The following UNC80 variants were observed in gnomAD, a reference collection of about 807,000 sequenced individuals.
The protein encoded by UNC80 is protein unc-80 homolog.
In UNC80, 164 loss-of-function variants were observed where a neutral mutation model predicts 384.6. The observed-to-expected ratio is 0.43, with a 90% confidence interval of 0.38 to 0.49. The LOEUF (loss-of-function observed/expected upper bound fraction) is 0.49. Among genes scored for constraint, UNC80 ranks in the 20% least tolerant of loss-of-function variants. UNC80 has a pLI of 0.00. For missense variants in UNC80, 3,330 were observed against 4,143.0 expected (o/e 0.80, Z 5.39); for synonymous variants, 1,486 against 1,527.8 (o/e 0.97, Z 0.64).
intron 59 of UNC80, 98 bp downstream of exon 59, chr2:209,978,806 A>G: frequency 8.4e-7 from 1 of 1,186,284 alleles, no homozygotes; most frequent in East Asian, 2.9e-5. Flanking sequence ...TCCGCTTCTG[A>G]TCCCCTAGTC....
At chr2:209,953,647 T>C (rs1046807932) in intron 47 of UNC80, among the ~76,000 whole-genome samples, 1 of 151,982 alleles carries the variant, frequency 6.6e-6, no homozygotes, top group Non-Finnish European at 1.5e-5. Context: ...TTTCCAACAT[T>C]TGTTGCTATT....
At chr2:209,974,397 A>C (rs1428796682) in intron 56 of UNC80, among the ~76,000 whole-genome samples, 1 of 152,194 alleles carries the variant, frequency 6.6e-6, no homozygotes, top group Non-Finnish European at 1.5e-5. Context: ...GCCCTACATG[A>C]AGTTTAGGAT....
chr2:209,947,069 T>A (rs2124985637), intron 47 of UNC80, among the ~76,000 whole-genome samples: 1 of 152,316 alleles, frequency 6.6e-6, no homozygotes, highest in Middle Eastern at 3.4e-3. Flanking sequence ...AGAACAAAGC[T>A]GCAGGATGGT....
rs1310749268 is a variant in UNC80, at chr2:209,877,957, A to G, written c.3844A>G (p.Ile1282Val). 2.6e-6 allele frequency: 4 copies of G among 1,526,968 alleles called. No individual in the cohort carries two copies. In the Admixed American group the frequency reaches 8.9e-5, roughly 34 times the overall value. 94.6% of individuals were successfully genotyped at this position (1,526,968 alleles called of 1,614,324 possible). The change falls in exon 24 of 65, where the codon ATT (isoleucine) becomes GTT (valine). Residue 1282 changes from isoleucine to valine, a missense_variant. This residue lies in a region of UNC80 where 801 missense variants were observed against 950.8 expected (regional missense o/e 0.84). Transcript: ENST00000673920. ...ATTGTTTTCCTTCCCATTTTAGGCA[A>G]TTGGCGTCCGATTGAATGAGCTGTG... is the stretch of plus-strand genomic sequence containing the variant. ...AKLFYQWGDA[I>V]GVRLNELCHG...
At position 209,913,953 on chromosome 2, in the gene UNC80, C is replaced by T. The variant is rs770793116; in HGVS notation, c.5029+13C>T. The T allele has an allele frequency of 2.6e-6, 4 of 1,535,272 alleles. No individual in the cohort carries two copies. The South Asian group carries it at 4.8e-5, about 18-fold the overall frequency. On this transcript the variant is annotated intron_variant, in intron 31 of 64. Coordinates refer to ENST00000673920, the MANE Select transcript of UNC80 (RefSeq NM_001371986.1). ...GCAGGGGCAGCAGGTAAAGAAAGAC[C>T]ACCTGGAACCCTGTGCCTGCTGCCA... is the stretch of plus-strand genomic sequence containing the variant.
chr2:209,937,497 C>G (rs768125475), intron 41 of UNC80, 32 bp from the exon 42 acceptor site: 2 of 1,453,122 alleles, frequency 1.4e-6, no homozygotes, highest in Non-Finnish European at 9.4e-7. Flanking sequence ...CTTTTGAACT[C>G]TTTTTTTTGT....
chr2:209,992,761 CCTTT>C (rs1404994236), intron 62 of UNC80, among the ~76,000 whole-genome samples: 1 of 152,148 alleles, frequency 6.6e-6, no homozygotes, highest in African/African-American at 2.4e-5. Flanking sequence ...AAAAAGAAGT[CCTTT>C]CTTTCTCATT....
At chr2:209,856,725 G>A (rs1481582211) in intron 22 of UNC80, among the ~76,000 whole-genome samples, 2 of 151,658 alleles carry the variant, frequency 1.3e-5, no homozygotes, top group Non-Finnish European at 2.9e-5. Flanking sequence ...GTCCTTATAA[G>A]CATGATGTAA....
chr2:209,933,674 G>T lies in UNC80; in HGVS notation c.5995-148G>T, dbSNP rs1432612836. 3 of 575,342 alleles carry T rather than the reference G, an allele frequency of 5.2e-6. No homozygotes were observed. In the African/African-American group the frequency reaches 5.8e-5, roughly 11 times the overall value. 35.6% of individuals were successfully genotyped at this position (575,342 alleles called of 1,614,324 possible). A position where few individuals can be genotyped will look rare whatever the true frequency, so the allele number is the denominator to read the frequency against. ...AGTTTTCCAGTTATGCCCTCTCCTG[G>T]TAACATTGAAAGTGTTAGAGAAGCA... On this transcript the variant is annotated intron_variant, in intron 38 of 64. Coordinates refer to ENST00000673920, the MANE Select transcript of UNC80 (RefSeq NM_001371986.1).
chr2:209,776,074 C>A, intron 3 of UNC80, 29 bp downstream of exon 3: 2 of 1,612,772 alleles, frequency 1.2e-6, no homozygotes, highest in Non-Finnish European at 1.7e-6. Context: ...TTCTTTATTG[C>A]ATGTGATTGC....
rs540483866 is a variant in UNC80 at position 209,885,816 on chromosome 2, T to C, written c.4111-2279T>C. Among the ~76,000 whole-genome samples the C allele has an allele frequency of 2.0e-3, 303 of 150,170 alleles. 2 individuals are homozygous for C. The highest frequency in any genetic ancestry group is 7.1e-3 in the African/African-American group (292 of 40,864). On this transcript the variant is annotated intron_variant, in intron 25 of 64. Transcript: ENST00000673920. ...TGTTGCCCAGGCTGGAGTGCAGTGG[T>C]GTGATCTTGGCTCACTGCAACCTCC...
intron 21 of UNC80, among the ~76,000 whole-genome samples, chr2:209,846,672 C>A (rs564503222): frequency 6.6e-6 from 1 of 152,010 alleles, no homozygotes; most frequent in African/African-American, 2.4e-5. Context: ...CAATATACAC[C>A]TCAACATAAA....
chr2:209,813,649 C>T lies in UNC80; in HGVS notation c.1008C>T (p.Arg336=), dbSNP rs2079524242. The change falls in exon 8 of 65, where the codon CGC becomes CGT. Residue 336 remains arginine (R), a synonymous_variant. Transcript: ENST00000673920. ...CCTACTTTGACGTTGCTGTTCTGCG[C>T]TGCCTACTTCAGCCCCATTGGTCTG... ...YATYFDVAVL[R]CLLQPHWSEE... 1 of 1,551,744 alleles carries T rather than the reference C, an allele frequency of 6.4e-7. No homozygotes were observed. The highest frequency in any genetic ancestry group is 8.7e-7 in the Non-Finnish European group (1 of 1,147,044).
chr2:209,988,776 A>G (rs182647929), intron 61 of UNC80, among the ~76,000 whole-genome samples: 3 of 152,314 alleles, frequency 2.0e-5, no homozygotes, highest in East Asian at 3.9e-4. Flanking sequence ...TGTAGATAAT[A>G]TGGGTCACAC....
At chr2:209,963,087 A>G (rs972649183) in intron 51 of UNC80, among the ~76,000 whole-genome samples, 3 of 152,248 alleles carry the variant, frequency 2.0e-5, no homozygotes, top group Non-Finnish European at 2.9e-5. Flanking sequence ...GGTTGATTAC[A>G]AGGCTCTTGA....
chr2:209,977,340 C>T (rs906722523), intron 58 of UNC80, among the ~76,000 whole-genome samples: 7 of 152,122 alleles, frequency 4.6e-5, no homozygotes, highest in Admixed American at 3.3e-4. Flanking sequence ...TTTTAATCTT[C>T]ATTTTAGTAG....
intron 51 of UNC80, among the ~76,000 whole-genome samples, chr2:209,964,876 G>A (rs1023567668): frequency 2.6e-5 from 4 of 151,730 alleles, no homozygotes; most frequent in Non-Finnish European, 5.9e-5. Context: ...AAATTTATGG[G>A]CCTTATTTTT....
intron 27 of UNC80, among the ~76,000 whole-genome samples, chr2:209,895,735 G>A (rs1208345646): frequency 6.6e-6 from 1 of 152,210 alleles, no homozygotes; most frequent in Non-Finnish European, 1.5e-5. Flanking sequence ...ATTCTTGAGA[G>A]ATATTTCCTT....
At chr2:209,953,024 T>A (rs1575125329) in intron 47 of UNC80, among the ~76,000 whole-genome samples, 1 of 152,102 alleles carries the variant, frequency 6.6e-6, no homozygotes, top group Non-Finnish European at 1.5e-5. Flanking sequence ...AAAGAATAGA[T>A]CAAAGAAAAT....
Sources: gnomAD v4.1 joint callset for allele counts (sites outside exome capture counted in the v4.1 genomes callset) on GRCh38, gnomAD v4.1.1 for gene constraint, gnomAD v4.1.1 regional missense constraint, MANE v1.5 for transcripts, NCBI Gene and HGNC (gene_info 2026-07-23, HGNC 2026-07-21) for gene names.